EPS8: variants seen among roughly 807,000 people sequenced by gnomAD.
The protein encoded by EPS8 is EGFR pathway substrate 8, signaling adaptor.
Under a neutral mutation model 103.8 loss-of-function variants are expected in EPS8, and 42 were observed. The ratio of observed to expected loss-of-function variants is 0.40; its 90% CI spans 0.32 to 0.52. The LOEUF (loss-of-function observed/expected upper bound fraction) is 0.52, where lower values mean the gene tolerates loss of function less well. EPS8 is among the 20% of genes least tolerant of loss of function. The pLI, the probability that EPS8 is intolerant of heterozygous loss-of-function variation, is 0.40. For missense variants in EPS8, 969 were observed against 1,005.1 expected (o/e 0.96, Z 0.49); for synonymous variants, 344 against 344.6 (o/e 1.00, Z 0.02).
chr12:15,727,056 A>AT lies in EPS8; in HGVS notation c.-21-44085dup, dbSNP rs750497574. On this transcript the variant is annotated intron_variant, in intron 1 of 20. Coordinates refer to ENST00000281172, the MANE Select transcript of EPS8 (RefSeq NM_004447.6). The surrounding 1 kb of genome is among the most constrained non-coding windows in gnomAD (Gnocchi z 4.3). Reference sequence around the variant, plus strand: ...GAATGACTACAGTTCAGTGAGTGGTATTTTTTCAAGGTCTGAAACTCACTA... The same window carrying AT: ...GAATGACTACAGTTCAGTGAGTGGTATTTTTTTCAAGGTCTGAAACTCACTA... Among the ~76,000 whole-genome samples, 3 of 152,328 alleles carry AT rather than the reference A, an allele frequency of 2.0e-5. No individual in the cohort carries two copies. Among genetic ancestry groups the AT allele is most frequent in the East Asian group, 1.9e-4 (1 of 5,188 alleles).
chr12:15,766,065 C>T (rs113865430), intron 1 of EPS8, among the ~76,000 whole-genome samples: 19 of 151,586 alleles, frequency 1.3e-4, no homozygotes, highest in East Asian at 5.9e-4. Flanking sequence ...CCGCCTGCCT[C>T]GGCCTCCCAA....
At chr12:15,699,858 TAA>T (rs763378022) in intron 1 of EPS8, among the ~76,000 whole-genome samples, 3 of 152,124 alleles carry the variant, frequency 2.0e-5, no homozygotes, top group Non-Finnish European at 4.4e-5. Flanking sequence ...CACCCCTTTT[TAA>T]AAGTCTTCCC....
At position 15,669,556 on chromosome 12, in the gene EPS8, T is replaced by A. The variant is rs1192560376; in HGVS notation, c.367-20A>T. 1 of 1,579,374 alleles carries A rather than the reference T, an allele frequency of 6.3e-7. No individual in the cohort carries two copies. The highest frequency in any genetic ancestry group is 1.2e-5 in the South Asian group (1 of 86,508). ...TTCATTCTATAAATAAAGTGAACAT[T>A]TTATTTTGTCAAACTTCCATCCATT... is the stretch of plus-strand genomic sequence containing the variant. On this transcript the variant is annotated intron_variant, in intron 5 of 20. Transcript: ENST00000281172.
chr12:15,717,057 A>T lies in EPS8; in HGVS notation c.-21-34085T>A, dbSNP rs1946540220. Among the ~76,000 whole-genome samples the T allele has an allele frequency of 6.6e-6, 1 of 152,238 alleles. No individual in the cohort carries two copies. The highest frequency in any genetic ancestry group is 6.5e-5 in the Admixed American group (1 of 15,286). On this transcript the variant is annotated intron_variant, in intron 1 of 20. Transcript: ENST00000281172. This position sits in a 1 kb window ranked among gnomAD's most constrained non-coding sequence, Gnocchi z 4.3. ...ATTTCAATTACATACATGCTAAGTT[A>T]GTTAAATTTGTATGGATACAATGAT... is the stretch of plus-strand genomic sequence containing the variant.
chr12:15,688,424 G>A lies in EPS8; in HGVS notation c.-21-5452C>T, dbSNP rs550178907. On this transcript the variant is annotated intron_variant, in intron 1 of 20. Coordinates refer to ENST00000281172, the MANE Select transcript of EPS8 (RefSeq NM_004447.6). This position sits in a 1 kb window ranked among gnomAD's most constrained non-coding sequence, Gnocchi z 5.1. ...GCTCCACCCCCATGGACCTAGATGA[G>A]GACAGGCATTTTTGTTTTCCTGCCC... Among the ~76,000 whole-genome samples the A allele has an allele frequency of 6.6e-6, 1 of 152,250 alleles. No individual in the cohort carries two copies. The highest frequency in any genetic ancestry group is 2.4e-5 in the African/African-American group (1 of 41,538).
chr12:15,654,000 C>A, intron 13 of EPS8, 145 bp downstream of exon 13: 2 of 709,960 alleles, frequency 2.8e-6, no homozygotes, highest in East Asian at 2.7e-5. Context: ...ATCTCTTCCA[C>A]TAGACTTCTA....
chr12:15,689,253 T>C (rs1335914930), intron 1 of EPS8, among the ~76,000 whole-genome samples: 3 of 152,162 alleles, frequency 2.0e-5, no homozygotes, highest in African/African-American at 4.8e-5. Context: ...TAATCAACTC[T>C]TCTTAAAATA....
intron 18 of EPS8, among the ~76,000 whole-genome samples, chr12:15,625,817 C>A (rs1944935079): frequency 6.6e-6 from 1 of 152,148 alleles, no homozygotes; most frequent in South Asian, 2.1e-4. Context: ...CTCATCTCTG[C>A]CAGCACTACC....
At position 15,680,903 on chromosome 12, in the gene EPS8, C is replaced by T. The variant is rs564371417; in HGVS notation, c.136+323G>A. 2.0e-5 allele frequency among the ~76,000 whole-genome samples: 3 copies of T among 152,158 alleles called. No individual in the cohort carries two copies. In the South Asian group the frequency reaches 6.2e-4, roughly 32 times the overall value. On this transcript the variant is annotated intron_variant, in intron 3 of 20. Coordinates refer to ENST00000281172, the MANE Select transcript of EPS8 (RefSeq NM_004447.6). ...CGTTCTGTCACCTGTCAGCCCACCA[C>T]CAACTAGATCAGTCACAAAGATCAA...
chr12:15,747,712 C>A lies in EPS8; in HGVS notation c.-22+41449G>T, dbSNP rs1039970860. Among the ~76,000 whole-genome samples, 1 of 152,034 alleles carries A rather than the reference C, an allele frequency of 6.6e-6. No homozygotes were observed. Among genetic ancestry groups the A allele is most frequent in the Non-Finnish European group, 1.5e-5 (1 of 68,004 alleles). ...GACTTGATTTCAATATAAAACAGGA[C>A]AAATACTCCAATTTAAGAAAAAAAA... is the stretch of plus-strand genomic sequence containing the variant. On this transcript the variant is annotated intron_variant, in intron 1 of 20. Transcript: ENST00000281172. The surrounding 1 kb of genome is among the most constrained non-coding windows in gnomAD (Gnocchi z 4.4).
rs558447403 is a variant in EPS8 at position 15,631,573 on chromosome 12, G to T, written c.1913C>A (p.Pro638His). The change falls in exon 18 of 21, where the codon CCC (proline) becomes CAC (histidine). Residue 638 changes from proline to histidine, a missense_variant. By Grantham distance (77) the Pro-to-His change is moderately conservative. Transcript: ENST00000281172. ...AGGAACAGGTGCTGGAGTGGAAGGG[G>T]GAAGGGGAACAGGAACAGGAGCTGG... ...PTPAPVPVPL[P>H]PSTPAPVPVS... 30 of 1,614,036 alleles carry T rather than the reference G, an allele frequency of 1.9e-5. No homozygotes were observed. The African/African-American group carries it at 3.9e-4, about 21-fold the overall frequency.
At chr12:15,743,024 G>GC (rs1399058442) in intron 1 of EPS8, among the ~76,000 whole-genome samples, 1 of 152,192 alleles carries the variant, frequency 6.6e-6, no homozygotes, top group Non-Finnish European at 1.5e-5. Context: ...CATCGTCTCA[G>GC]CCCAAAATCT....
intron 16 of EPS8, 102 bp from the exon 17 acceptor site, chr12:15,640,948 A>G: frequency 1.1e-6 from 1 of 937,196 alleles, no homozygotes; most frequent in East Asian, 2.4e-5. Flanking sequence ...ACTTCTGATA[A>G]TTAACTCAGC....
intron 12 of EPS8, 47 bp downstream of exon 12, chr12:15,658,031 TA>T: frequency 1.7e-6 from 2 of 1,200,496 alleles, no homozygotes; most frequent in Non-Finnish European, 2.5e-6. Flanking sequence ...CACTTGGGGT[TA>T]AAAAATATAC....
intron 1 of EPS8, among the ~76,000 whole-genome samples, chr12:15,686,987 G>T (rs556815845): frequency 2.0e-4 from 30 of 151,972 alleles, no homozygotes; most frequent in African/African-American, 7.0e-4. Flanking sequence ...TTTAATTTAT[G>T]TCTCCCAGTC....
At chr12:15,783,150 C>T (rs892838531) in intron 1 of EPS8, among the ~76,000 whole-genome samples, 1 of 152,136 alleles carries the variant, frequency 6.6e-6, no homozygotes, top group African/African-American at 2.4e-5. Flanking sequence ...TCCATTCCCC[C>T]ACCTTTTCAG....
At chr12:15,643,735 G>A (rs1291984212) in intron 15 of EPS8, among the ~76,000 whole-genome samples, 1 of 65,298 alleles carries the variant, frequency 1.5e-5, no homozygotes, top group Non-Finnish European at 2.8e-5. Context: ...GCAAAACTCT[G>A]TCTCGAAAAA....
In EPS8 at chr12:15,728,350, T is replaced by A. The variant is rs1946677566; in HGVS notation, c.-21-45378A>T. ...TGGGTGTATGTGTGTATATAACTTA[T>A]CCAGTGTCCTTGCCATGCTAATAAC... On this transcript the variant is annotated intron_variant, in intron 1 of 20. Transcript: ENST00000281172. The surrounding 1 kb of genome is among the most constrained non-coding windows in gnomAD (Gnocchi z 4.5). The A allele has an allele frequency of 6.6e-6, 1 of 152,154 alleles. No homozygotes were observed. Among genetic ancestry groups the A allele is most frequent in the Non-Finnish European group, 1.5e-5 (1 of 68,036 alleles). The allele number at this position is 152,154 out of a possible 1,614,324, so 9.4% of individuals were successfully genotyped here.
intron 17 of EPS8, among the ~76,000 whole-genome samples, chr12:15,637,802 G>A (rs956709384): frequency 1.3e-5 from 2 of 152,164 alleles, no homozygotes; most frequent in Non-Finnish European, 2.9e-5. Context: ...AGAGGGTCAC[G>A]CTGCTCTTGA....
Sources: allele counts gnomAD v4.1 joint callset (sites outside exome capture counted in the v4.1 genomes callset), GRCh38; gene constraint gnomAD v4.1.1; non-coding constraint Gnocchi (gnomAD v3.1); transcripts MANE v1.5; gene names NCBI Gene and HGNC (gene_info 2026-07-23, HGNC 2026-07-21).